SLCO1B3: variants seen among roughly 807,000 people sequenced by gnomAD.
The protein encoded by SLCO1B3 is liver-specific organic anion transporter 2.
A neutral mutation model predicts 71.8 loss-of-function variants in SLCO1B3; 72 were observed. The observed-to-expected ratio is 1.00, with a 90% CI of 0.83 to 1.22. The LOEUF is 1.22. SLCO1B3 is among the 50% of genes most tolerant of loss of function. The pLI is 0.00. For missense variants in SLCO1B3, 911 were observed against 819.7 expected (o/e 1.11, Z -1.36); for synonymous variants, 298 against 278.4 (o/e 1.07, Z -0.70).
chr12:20,914,324 T>C (rs182084044), intron 15 of SLCO1B3, among the ~76,000 whole-genome samples: 12 of 152,220 alleles, frequency 7.9e-5, no homozygotes, highest in Admixed American at 3.3e-4. Flanking sequence ...ATTTGCAATA[T>C]ACATTTAGAA....
intron 15 of SLCO1B3, among the ~76,000 whole-genome samples, chr12:20,909,617 T>C (rs1866333414): frequency 2.0e-5 from 3 of 152,212 alleles, no homozygotes; most frequent in Admixed American, 2.0e-4. Context: ...AGTTATTGAA[T>C]ATGCCTTTTG....
intron 13 of SLCO1B3, among the ~76,000 whole-genome samples, chr12:20,888,206 CT>C (rs1865828335): frequency 6.6e-6 from 1 of 151,794 alleles, no homozygotes. Flanking sequence ...GCTAGTCAGA[CT>C]TTTTTGGTTC....
chr12:20,860,599 T>TGTGTGTGTGTG (rs1555156228), intron 5 of SLCO1B3, among the ~76,000 whole-genome samples: 109 of 146,734 alleles, frequency 7.4e-4, no homozygotes, highest in East Asian at 4.0e-3. Flanking sequence ...GTCAAGCACT[T>TGTGTGTGTGTG]TGTGTGTGTG....
intron 15 of SLCO1B3, among the ~76,000 whole-genome samples, chr12:20,915,670 T>C (rs1020943215): frequency 6.6e-6 from 1 of 152,196 alleles, no homozygotes; most frequent in Admixed American, 6.5e-5. Flanking sequence ...CCTGTACCTC[T>C]GGACTGTGAA....
chr12:20,889,002 C>A (rs550949749), intron 13 of SLCO1B3, among the ~76,000 whole-genome samples: 1 of 151,214 alleles, frequency 6.6e-6, no homozygotes, highest in Non-Finnish European at 1.5e-5. Context: ...ATTTTTGATT[C>A]GCATATGTTG....
At chr12:20,913,382 G>A (rs890260262) in intron 15 of SLCO1B3, among the ~76,000 whole-genome samples, 3 of 152,166 alleles carry the variant, frequency 2.0e-5, no homozygotes, top group African/African-American at 7.2e-5. Context: ...CCAAGAACCT[G>A]TAGACAATGT....
chr12:20,872,598 C>T (rs532607387), intron 8 of SLCO1B3, among the ~76,000 whole-genome samples: 4 of 152,114 alleles, frequency 2.6e-5, no homozygotes, highest in Admixed American at 2.0e-4. Flanking sequence ...CTTTGCATTA[C>T]TTTGGTACCA....
At chr12:20,847,270 A>C (rs774675826) in intron 3 of SLCO1B3, among the ~76,000 whole-genome samples, 14 of 152,180 alleles carry the variant, frequency 9.2e-5, no homozygotes, top group Non-Finnish European at 2.1e-4. Flanking sequence ...TTATGGACTG[A>C]ATATTTGTGC....
rs556749612 is a variant in SLCO1B3, at chr12:20,907,632, C to T, written c.1865+6165C>T. 2.6e-5 allele frequency among the ~76,000 whole-genome samples: 4 copies of T among 151,516 alleles called. No homozygotes were observed. In the East Asian group the frequency reaches 7.8e-4, roughly 30 times the overall value. ...CAAGCAATTCTCTTGCCTCAGCCTC[C>T]TGAGCAGCTGGGATTACAGGCGCCC... On this transcript the variant is annotated intron_variant, in intron 15 of 15. Transcript: ENST00000381545.
rs576720879 is a variant in SLCO1B3, at chr12:20,889,868, A to AGGTTTT, written c.1682+6270_1682+6275dup. On this transcript the variant is annotated intron_variant, in intron 13 of 15. Transcript: ENST00000381545. The stretch of plus-strand genomic sequence containing the variant: ...TTGGCACTGATTTGTTGTATCTCAG[A>AGGTTTT]GGTTTTGGTATGTTGTGTCTTTATT... Among the ~76,000 whole-genome samples the AGGTTTT allele has an allele frequency of 6.3e-3, 954 of 151,348 alleles. 12 individuals carry two copies. The highest frequency in any genetic ancestry group is 0.023 in the African/African-American group (929 of 41,246).
intron 4 of SLCO1B3, among the ~76,000 whole-genome samples, chr12:20,856,964 A>T (rs547239652): frequency 8.6e-5 from 13 of 151,780 alleles, no homozygotes; most frequent in African/African-American, 3.1e-4. Flanking sequence ...GACTGTAATT[A>T]TTTTTTTTTA....
At chr12:20,844,701 G>C (rs1359753765) in intron 3 of SLCO1B3, among the ~76,000 whole-genome samples, 1 of 151,688 alleles carries the variant, frequency 6.6e-6, no homozygotes, top group Non-Finnish European at 1.5e-5. Context: ...ATTCCACTGT[G>C]GTCTGAAAAA....
chr12:20,858,078 G>C (rs1438717270), intron 4 of SLCO1B3, among the ~76,000 whole-genome samples: 1 of 151,878 alleles, frequency 6.6e-6, no homozygotes, highest in African/African-American at 2.4e-5. Context: ...TAAATTTAAA[G>C]AATGCCTAGA....
chr12:20,818,290 A>G (rs1864228504), intron 3 of SLCO1B3, among the ~76,000 whole-genome samples: 1 of 152,148 alleles, frequency 6.6e-6, no homozygotes, highest in Non-Finnish European at 1.5e-5. Flanking sequence ...GTCACTGGAT[A>G]CTAAGAGCCT....
At position 20,815,835 on chromosome 12, in the gene SLCO1B3, T is replaced by G; in HGVS notation, c.84+13T>G. On this transcript the variant is annotated intron_variant, in intron 3 of 15. Transcript: ENST00000381545. The stretch of plus-strand genomic sequence containing the variant: ...CAATGGATTCAAGGTAGAATGGGTT[T>G]TATATTTTCAAACTAAAATAAGTTA... 1 of 1,526,534 alleles carries G rather than the reference T, an allele frequency of 6.6e-7. No individual in the cohort carries two copies. Among genetic ancestry groups the G allele is most frequent in the Non-Finnish European group, 8.9e-7 (1 of 1,127,512 alleles). 94.6% of individuals were successfully genotyped at this position (1,526,534 alleles called of 1,614,324 possible).
intron 1 of SLCO1B3, among the ~76,000 whole-genome samples, chr12:20,811,905 A>ATTTTTTTTTTT (rs11292391): frequency 9.6e-5 from 11 of 114,854 alleles, no homozygotes; most frequent in Admixed American, 2.9e-4. Flanking sequence ...TACTTGATAC[A>ATTTTTTTTTTT]TTTTTTTTTT....
intron 3 of SLCO1B3, among the ~76,000 whole-genome samples, chr12:20,829,246 C>CT (rs1864489978): frequency 6.6e-6 from 1 of 152,172 alleles, no homozygotes; most frequent in South Asian, 2.1e-4. Context: ...CTAATCTTAA[C>CT]TTTTAGTAAT....
chr12:20,851,716 C>A (rs930856893), intron 3 of SLCO1B3, among the ~76,000 whole-genome samples: 1 of 152,152 alleles, frequency 6.6e-6, no homozygotes, highest in African/African-American at 2.4e-5. Flanking sequence ...CTTTGGGTGT[C>A]ATACTCAAGA....
intron 1 of SLCO1B3, among the ~76,000 whole-genome samples, chr12:20,811,924 T>TTTTTTTTA (rs71039996): frequency 4.1e-5 from 5 of 123,448 alleles, no homozygotes; most frequent in Non-Finnish European, 6.9e-5. Flanking sequence ...TTTTTTTTTT[T>TTTTTTTTA]GAGAAGGAGT....
Sources: gnomAD v4.1 joint callset for allele counts (sites outside exome capture counted in the v4.1 genomes callset) on GRCh38, gnomAD v4.1.1 for gene constraint, MANE v1.5 for transcripts, NCBI Gene and HGNC (gene_info 2026-07-23, HGNC 2026-07-21) for gene names.